The following ROBO2 variants were observed in gnomAD, a reference collection of about 807,000 sequenced individuals.
The protein encoded by ROBO2 is roundabout homolog 2.
In ROBO2, 53 loss-of-function variants were observed where a neutral mutation model predicts 160.8. The observed-to-expected ratio is 0.33, with a 90% confidence interval of 0.26 to 0.41. The LOEUF is 0.41. ROBO2 is among the 10% of genes least tolerant of loss of function. The pLI, the probability that ROBO2 is intolerant of heterozygous loss-of-function variation, is 1.00. For synonymous variants in ROBO2, 664 were observed against 611.7 expected, an observed-to-expected ratio of 1.09 and a Z score of -1.26; for missense variants, 1,577 against 1,722.4, an observed-to-expected ratio of 0.92 and a Z score of 1.49.
intron 1 of ROBO2, among the ~76,000 whole-genome samples, chr3:77,047,774 T>A (rs1249528092): frequency 6.6e-6 from 1 of 150,844 alleles, no homozygotes; most frequent in East Asian, 1.9e-4. Flanking sequence ...CTGGGCGCGG[T>A]GGCTCACGCC....
chr3:76,644,600 A>G (rs2090877274), intron 2 of ROBO2, among the ~76,000 whole-genome samples: 1 of 152,138 alleles, frequency 6.6e-6, no homozygotes, highest in African/African-American at 2.4e-5. Context: ...ACCTTCCCGT[A>G]GGACTAACTT....
chr3:76,392,911 G>A (rs144379336), intron 2 of ROBO2, among the ~76,000 whole-genome samples: 25 of 152,262 alleles, frequency 1.6e-4, no homozygotes, highest in African/African-American at 6.0e-4. Flanking sequence ...TTGCTAAACT[G>A]TCTAGAATAA....
intron 2 of ROBO2, among the ~76,000 whole-genome samples, chr3:76,741,649 G>T (rs1311013280): frequency 2.0e-5 from 3 of 151,860 alleles, no homozygotes; most frequent in African/African-American, 7.3e-5. Context: ...AGATATTCTT[G>T]GTCAAGCTGA....
At chr3:76,676,202 C>T (rs897880345) in intron 2 of ROBO2, among the ~76,000 whole-genome samples, 2 of 151,816 alleles carry the variant, frequency 1.3e-5, no homozygotes, top group Admixed American at 6.6e-5. Context: ...GGAGGGGCCT[C>T]TTGGGAGGTG....
chr3:77,000,823 A>T (rs568325483), intron 2 of ROBO2, among the ~76,000 whole-genome samples: 5 of 152,208 alleles, frequency 3.3e-5, no homozygotes, highest in Non-Finnish European at 5.9e-5. Flanking sequence ...TACCTTTCAC[A>T]TCTAAAGTGC....
intron 2 of ROBO2, among the ~76,000 whole-genome samples, chr3:76,141,730 G>A (rs2071678057): frequency 6.6e-6 from 1 of 151,946 alleles, no homozygotes; most frequent in Non-Finnish European, 1.5e-5. Flanking sequence ...GATTGGTTTA[G>A]TGTGGGCATA....
At chr3:77,568,213 T>C (rs959336035) in intron 12 of ROBO2, 100 bp from the exon 14 acceptor site, 23 of 1,391,630 alleles carry the variant, frequency 1.7e-5, no homozygotes, top group Non-Finnish European at 2.2e-5. Context: ...TTTGTTTCCC[T>C]GTAATTAGTT....
chr3:77,367,372 A>G (rs1005018201), intron 2 of ROBO2, among the ~76,000 whole-genome samples: 1 of 152,000 alleles, frequency 6.6e-6, no homozygotes, highest in African/African-American at 2.4e-5. Context: ...GGAGTACGGC[A>G]TTCCTTCCAC....
At position 76,858,553 on chromosome 3, in the gene ROBO2, G is replaced by A. The variant is rs9757589; in HGVS notation, c.110-239461G>A. Among the ~76,000 whole-genome samples the A allele has an allele frequency of 6.6e-3, 1,000 of 152,162 alleles. 8 individuals carry two copies. Among genetic ancestry groups the A allele is most frequent in the Middle Eastern group, 0.034 (10 of 294 alleles). ...TCCTAGGATTACAAGCGTGAGCCAC[G>A]GCACCTGGTCAGTAAATAGCTTTTA... On this transcript the variant is annotated intron_variant, in intron 2 of 26. Coordinates refer to the ROBO2 transcript ENST00000487694.
At chr3:76,746,935 G>A (rs953913276) in intron 2 of ROBO2, among the ~76,000 whole-genome samples, 10 of 152,070 alleles carry the variant, frequency 6.6e-5, no homozygotes, top group African/African-American at 2.2e-4. Flanking sequence ...AGTTTGCTGA[G>A]GATAATGGCG....
chr3:76,927,167 G>C (rs141280093), intron 2 of ROBO2, among the ~76,000 whole-genome samples: 1 of 152,120 alleles, frequency 6.6e-6, no homozygotes, highest in East Asian at 1.9e-4. Flanking sequence ...CTAACAGATG[G>C]TCAACTAATT....
At chr3:76,890,799 C>A (rs1309069499) in intron 2 of ROBO2, among the ~76,000 whole-genome samples, 3 of 152,022 alleles carry the variant, frequency 2.0e-5, no homozygotes, top group African/African-American at 7.2e-5. Flanking sequence ...TTGTAGCTGC[C>A]TTTCTACTGT....
intron 2 of ROBO2, among the ~76,000 whole-genome samples, chr3:77,107,545 G>A (rs1313882826): frequency 6.6e-6 from 1 of 152,116 alleles, no homozygotes; most frequent in African/African-American, 2.4e-5. Flanking sequence ...ATGTGGTATA[G>A]CATCTATTTG....
chr3:76,560,626 AAAAAG>A (rs1293571236), intron 2 of ROBO2, among the ~76,000 whole-genome samples: 14 of 150,510 alleles, frequency 9.3e-5, no homozygotes, highest in African/African-American at 1.7e-4. Context: ...CAAAAAAAAA[AAAAAG>A]AAAAGAAAAG....
intron 2 of ROBO2, among the ~76,000 whole-genome samples, chr3:76,949,535 T>A (rs75696984): frequency 0.035 from 5,292 of 152,232 alleles, 308 homozygotes; most frequent in African/African-American, 0.12. Context: ...CTATTTAAGG[T>A]GTCCAAGACC....
chr3:76,943,200 A>G (rs548610771), intron 2 of ROBO2, among the ~76,000 whole-genome samples: 1 of 152,312 alleles, frequency 6.6e-6, no homozygotes, highest in South Asian at 2.1e-4. Context: ...GGAAATCAGT[A>G]TCATTGCTTG....
rs532091734 is a variant in ROBO2, at chr3:75,946,867, G to A, written c.109+9265G>A. On this transcript the variant is annotated intron_variant, in intron 2 of 26. Coordinates refer to the ROBO2 transcript ENST00000487694. ...ACATTGAAAAGTGTATGATGGATAT[G>A]TGATATGATGAGGTTAGTTACCTCT... Among the ~76,000 whole-genome samples, 28 of 152,176 alleles carry A rather than the reference G, an allele frequency of 1.8e-4. No homozygotes were observed. The South Asian group carries it at 2.3e-3, about 12-fold the overall frequency.
At chr3:76,312,763 G>A (rs1003777457) in intron 2 of ROBO2, among the ~76,000 whole-genome samples, 2 of 152,178 alleles carry the variant, frequency 1.3e-5, no homozygotes, top group Non-Finnish European at 2.9e-5. Flanking sequence ...CCTATAGCAT[G>A]TCAAAGTTTA....
At chr3:77,310,503 G>C (rs916482517) in intron 2 of ROBO2, among the ~76,000 whole-genome samples, 2 of 152,076 alleles carry the variant, frequency 1.3e-5, no homozygotes, top group Admixed American at 6.6e-5. Flanking sequence ...TATAAGAAAA[G>C]ATTGATCTTG....
Sources: gnomAD v4.1 joint callset for allele counts (sites outside exome capture counted in the v4.1 genomes callset) on GRCh38, gnomAD v4.1.1 for gene constraint, MANE v1.5 for transcripts, NCBI Gene and HGNC (gene_info 2026-07-23, HGNC 2026-07-21) for gene names.